Variants in AMOTL1 observed in about 807,000 individuals in gnomAD.
AMOTL1 encodes the protein angiomotin like 1, also known as angiomotin-like protein 1.
Under a neutral mutation model 102.9 loss-of-function variants are expected in AMOTL1, and 45 were observed. That is an observed-to-expected ratio of 0.44 (90% CI 0.34 to 0.56). The LOEUF (loss-of-function observed/expected upper bound fraction) is 0.56, where lower values mean the gene tolerates loss of function less well. AMOTL1 is among the 20% of genes least tolerant of loss of function. The pLI is 0.01. For synonymous variants in AMOTL1, 481 were observed against 484.7 expected, an observed-to-expected ratio of 0.99 and a Z score of 0.10; for missense variants, 1,114 against 1,225.6, an observed-to-expected ratio of 0.91 and a Z score of 1.36.
chr11:94,751,794 ACACACACGTG>A (rs1394851773), intron 3 of AMOTL1, among the ~76,000 whole-genome samples: 4 of 151,410 alleles, frequency 2.6e-5, no homozygotes, highest in Non-Finnish European at 5.9e-5. Context: ...ACACACACAC[ACACACACGTG>A]CACACACGCA....
chr11:94,726,757 T>C (rs1950267171), intron 1 of AMOTL1, among the ~76,000 whole-genome samples: 1 of 152,162 alleles, frequency 6.6e-6, no homozygotes, highest in Admixed American at 6.5e-5. Context: ...CTGAAAACTC[T>C]TTTCTAGGCT....
chr11:94,730,061 A>C (rs111937898), intron 2 of AMOTL1, among the ~76,000 whole-genome samples: 1,664 of 152,264 alleles, frequency 0.011, 40 homozygotes, highest in African/African-American at 0.038. Context: ...CATTCCACCC[A>C]AAAACCAACT....
At chr11:94,757,895 C>T (rs1457140475) in intron 3 of AMOTL1, among the ~76,000 whole-genome samples, 2 of 152,186 alleles carry the variant, frequency 1.3e-5, no homozygotes, top group Non-Finnish European at 2.9e-5. Flanking sequence ...AACCCCGTCT[C>T]TACCAAAAAT....
At chr11:94,798,302 A>T (rs1951405815) in intron 2 of AMOTL1, among the ~76,000 whole-genome samples, 1 of 152,220 alleles carries the variant, frequency 6.6e-6, no homozygotes. Context: ...AGTAGTTCTT[A>T]TGCTTGTATT....
intron 1 of AMOTL1, among the ~76,000 whole-genome samples, chr11:94,709,854 C>T (rs1005569255): frequency 2.0e-5 from 3 of 152,032 alleles, no homozygotes; most frequent in East Asian, 1.9e-4. Flanking sequence ...ACTCTGAAGC[C>T]GGCTGAGATC....
Position 94,870,278 on chromosome 11 carries a change from C to G in AMOTL1, c.2765-411C>G, listed in dbSNP as rs146633007. On this transcript the variant is annotated intron_variant, in intron 12 of 12. Transcript: ENST00000433060. ...CTGTGGGCCCTAAGTTAACTGTTTCCTCCAAGGGGGTTGTTTATTTCATTT... is the reference window on the plus strand; with the variant it reads ...CTGTGGGCCCTAAGTTAACTGTTTCGTCCAAGGGGGTTGTTTATTTCATTT... Among the ~76,000 whole-genome samples the G allele has an allele frequency of 2.6e-4, 39 of 152,314 alleles. No individual in the cohort carries two copies. The East Asian group carries it at 6.2e-3, about 24-fold the overall frequency.
chr11:94,805,473 T>G (rs550742930), intron 3 of AMOTL1, among the ~76,000 whole-genome samples: 18 of 152,304 alleles, frequency 1.2e-4, no homozygotes, highest in African/African-American at 4.1e-4. Flanking sequence ...TTAGAATGTT[T>G]CCATTATGGA....
rs770448936 is a variant in AMOTL1 at position 94,853,951 on chromosome 11, T to C, written c.1813T>C (p.Tyr605His). 6.2e-7 allele frequency: 1 copy of C among 1,609,174 alleles called. No homozygotes were observed. Among genetic ancestry groups the C allele is most frequent in the Non-Finnish European group, 8.5e-7 (1 of 1,177,584 alleles). The change falls in exon 8 of 13, where the codon TAT becomes CAT. Residue 605 changes from tyrosine (Y) to histidine (H), a missense_variant. Tyr to His is a moderately conservative substitution (Grantham distance 83, BLOSUM62 2). Coordinates refer to ENST00000433060, the MANE Select transcript of AMOTL1 (RefSeq NM_130847.3). ...LEEELREKQAYVEKVEKLQQA... is the reference protein window; with the variant it reads ...LEEELREKQAHVEKVEKLQQA... The stretch of plus-strand genomic sequence containing the variant: ...CACTCAGTTACGAGAGAAGCAAGCA[T>C]ATGTTGAGAAAGTTGAGAAGCTGCA...
At chr11:94,744,481 G>A (rs1950566352) in intron 3 of AMOTL1, among the ~76,000 whole-genome samples, 1 of 152,078 alleles carries the variant, frequency 6.6e-6, no homozygotes, top group Admixed American at 6.5e-5. Flanking sequence ...GTTCCATTAG[G>A]CATGATTGAT....
chr11:94,757,534 A>T (rs1174199499), intron 3 of AMOTL1, among the ~76,000 whole-genome samples: 1 of 152,122 alleles, frequency 6.6e-6, no homozygotes, highest in Non-Finnish European at 1.5e-5. Context: ...TGCCTGTAAC[A>T]TGCTGAGAAT....
chr11:94,794,928 T>A, intron 1 of AMOTL1, 83 bp from the exon 2 acceptor site: 5 of 1,433,046 alleles, frequency 3.5e-6, no homozygotes, highest in Non-Finnish European at 4.7e-6. Context: ...TGTGGGAGAA[T>A]GCCTGGTGGG....
intron 3 of AMOTL1, among the ~76,000 whole-genome samples, chr11:94,759,990 C>G (rs1950772350): frequency 6.6e-6 from 1 of 152,212 alleles, no homozygotes; most frequent in African/African-American, 2.4e-5. Context: ...TTCTTGGGCC[C>G]CATCCAGGCC....
chr11:94,827,427 C>A (rs989542810), intron 4 of AMOTL1, among the ~76,000 whole-genome samples: 1 of 152,120 alleles, frequency 6.6e-6, no homozygotes, highest in African/African-American at 2.4e-5. Flanking sequence ...GCCCAGCTGT[C>A]TGAAAACAAA....
chr11:94,847,091 G>A (rs968985719), intron 6 of AMOTL1, among the ~76,000 whole-genome samples: 1 of 152,150 alleles, frequency 6.6e-6, no homozygotes, highest in Admixed American at 6.5e-5. Context: ...ACTAAATTCA[G>A]GACAGAGATG....
chr11:94,756,951 T>C (rs1176966038), intron 3 of AMOTL1, among the ~76,000 whole-genome samples: 1 of 151,848 alleles, frequency 6.6e-6, no homozygotes, highest in African/African-American at 2.4e-5. Flanking sequence ...CATTTGGGTA[T>C]AGTTATAATT....
chr11:94,824,233 T>C (rs1048864541), intron 4 of AMOTL1, among the ~76,000 whole-genome samples: 2 of 152,194 alleles, frequency 1.3e-5, no homozygotes, highest in Non-Finnish European at 2.9e-5. Context: ...TAAATTGTTC[T>C]ACAAGTACAG....
At position 94,795,251 on chromosome 11, in the gene AMOTL1, C is replaced by T. The variant is rs1951346355; in HGVS notation, c.199+91C>T. On this transcript the variant is annotated intron_variant, in intron 2 of 12. Coordinates refer to ENST00000433060, the MANE Select transcript of AMOTL1 (RefSeq NM_130847.3). ...CTTTTGCATAATTCAGATGTTTATT[C>T]TCTAATCTTGTTTTTTAAATCATCA... 2.7e-6 allele frequency: 4 copies of T among 1,456,258 alleles called. No individual in the cohort carries two copies. The Admixed American group carries it at 6.3e-5, about 23-fold the overall frequency. 90.2% of individuals were successfully genotyped at this position (1,456,258 alleles called of 1,614,324 possible). A position where few individuals can be genotyped will look rare whatever the true frequency, so the allele number is the denominator to read the frequency against.
At chr11:94,720,716 C>T (rs568755951) in intron 1 of AMOTL1, among the ~76,000 whole-genome samples, 1 of 152,142 alleles carries the variant, frequency 6.6e-6, no homozygotes, top group Admixed American at 6.6e-5. Context: ...CTGATTAGCC[C>T]GTCAATTGTC....
intron 8 of AMOTL1, among the ~76,000 whole-genome samples, chr11:94,855,558 A>G (rs1407451548): frequency 1.3e-5 from 2 of 152,168 alleles, no homozygotes; most frequent in Non-Finnish European, 2.9e-5. Context: ...TTGGCTAACC[A>G]AATGGGCACA....
Sources: gnomAD v4.1 joint callset for allele counts (sites outside exome capture counted in the v4.1 genomes callset) on GRCh38, gnomAD v4.1.1 for gene constraint, MANE v1.5 for transcripts, NCBI Gene and HGNC (gene_info 2026-07-23, HGNC 2026-07-21) for gene names.